Variants in ZNFX1 observed in about 807,000 individuals in gnomAD.
ZNFX1 encodes NFX1-type zinc finger-containing protein 1.
In ZNFX1, 78 loss-of-function variants were observed where a neutral mutation model predicts 179.8. The ratio of observed to expected loss-of-function variants is 0.43; its 90% CI spans 0.36 to 0.52. The LOEUF is 0.52. Ranked by LOEUF, ZNFX1 falls within the 20% of genes least tolerant of loss-of-function variation. ZNFX1 has a pLI of 0.00. For missense variants in ZNFX1, 1,927 were observed against 2,386.6 expected (o/e 0.81, Z 4.01); for synonymous variants, 848 against 868.5 (o/e 0.98, Z 0.42).
chr20:49,251,437 G>A, intron 13 of ZNFX1, 90 bp downstream of exon 13: 1 of 1,232,422 alleles, frequency 8.1e-7, no homozygotes, highest in Non-Finnish European at 1.1e-6. Context: ...CACCGCGCCT[G>A]GCCGCTGAAA....
At chr20:49,264,691 C>A in intron 5 of ZNFX1, 25 bp downstream of exon 5, 2 of 1,612,244 alleles carry the variant, frequency 1.2e-6, no homozygotes, top group East Asian at 4.5e-5. Flanking sequence ...TGAACTACCC[C>A]AGATATTTCA....
chr20:49,273,368 G>T (rs1200313005), intron 2 of ZNFX1, among the ~76,000 whole-genome samples: 1 of 151,662 alleles, frequency 6.6e-6, no homozygotes, highest in African/African-American at 2.4e-5. Context: ...TCCTGACCTC[G>T]TGATCCGCCT....
rs116217055 is a variant in ZNFX1, at chr20:49,246,565, T to C, written c.*702A>G. 3.4e-3 allele frequency: 764 copies of C among 225,154 alleles called. 6 individuals are homozygous for C. Among genetic ancestry groups the C allele is most frequent in the African/African-American group, 0.017 (705 of 42,496 alleles). The allele number at this position is 225,154 out of a possible 1,614,324, so 13.9% of individuals were successfully genotyped here. A position where few individuals can be genotyped will look rare whatever the true frequency, so the allele number is the denominator to read the frequency against. On this transcript the variant is annotated 3_prime_UTR_variant, in exon 14 of 14. Transcript: ENST00000396105. Reference sequence around the variant, plus strand: ...TTTATTATGAGAGTTAGTCTGCAAATTAGGGCCTGGCAATTAGAATCGGTC... The same window carrying C: ...TTTATTATGAGAGTTAGTCTGCAAACTAGGGCCTGGCAATTAGAATCGGTC...
chr20:49,269,550 G>A (rs546281527), intron 3 of ZNFX1, among the ~76,000 whole-genome samples: 2 of 152,270 alleles, frequency 1.3e-5, no homozygotes, highest in Admixed American at 6.5e-5. Flanking sequence ...GCGTGGTGGT[G>A]CATGCCTATA....
Position 49,248,560 on chromosome 20 carries a change from C to A in ZNFX1, c.4464G>T (p.Arg1488=), listed in dbSNP as rs1310429997. The change falls in exon 14 of 14, where the codon CGG becomes CGT. Residue 1488 remains arginine (R), a synonymous_variant. Coordinates refer to ENST00000396105, the MANE Select transcript of ZNFX1 (RefSeq NM_021035.3). The surrounding 1 kb of genome is among the most constrained non-coding windows in gnomAD (Gnocchi z 4.6). The stretch of plus-strand genomic sequence containing the variant: ...TGTGGACACAGCGGTTCTGACAGGT[C>A]CGCTGGCAGGGTGGGCACTCACCAA... The part of the protein sequence containing the change: ...PCIGECPPCQ[R]TCQNRCVHSQ... 1.2e-6 allele frequency: 2 copies of A among 1,614,070 alleles called. No individual in the cohort carries two copies. Among genetic ancestry groups the A allele is most frequent in the Non-Finnish European group, 1.7e-6 (2 of 1,180,044 alleles).
At position 49,248,397 on chromosome 20, in the gene ZNFX1, G is replaced by A. The variant is rs750717580; in HGVS notation, c.4627C>T (p.Leu1543=). Residue 1543 remains leucine, a synonymous_variant, in exon 14 of 14, where the codon CTG becomes TTG. Transcript: ENST00000396105. The surrounding 1 kb of genome is among the most constrained non-coding windows in gnomAD (Gnocchi z 4.6). The part of the protein sequence containing the change: ...RPPCYVPCTK[L]LVCGHPCIGL... The stretch of plus-strand genomic sequence containing the variant: ...ATGCAGGGGTGGCCACAAACTAGCA[G>A]CTTAGTACAAGGCACATAGCATGGG... 9.3e-6 allele frequency: 15 copies of A among 1,610,816 alleles called. No homozygotes were observed. The South Asian group carries it at 1.7e-4, about 18-fold the overall frequency.
intron 6 of ZNFX1, 62 bp from the exon 7 acceptor site, chr20:49,260,639 T>C: frequency 2.4e-6 from 3 of 1,249,962 alleles, no homozygotes; most frequent in Non-Finnish European, 2.2e-6. Context: ...AGGCTGGGTC[T>C]CCTCAAAGAA....
chr20:49,263,651 A>G (rs1981168931), intron 5 of ZNFX1, among the ~76,000 whole-genome samples, 168 bp from the exon 6 acceptor site: 1 of 152,230 alleles, frequency 6.6e-6, no homozygotes, highest in African/African-American at 2.4e-5. Context: ...TGGTCTTGAA[A>G]CCAAAGAACT....
In ZNFX1 at chr20:49,270,080, T is replaced by C; in HGVS notation, c.1732A>G (p.Arg578Gly). 1 of 1,614,242 alleles carries C rather than the reference T, an allele frequency of 6.2e-7. No individual in the cohort carries two copies. Among genetic ancestry groups the C allele is most frequent in the Non-Finnish European group, 8.5e-7 (1 of 1,180,040 alleles). Residue 578 changes from arginine to glycine, a missense_variant, in exon 3 of 14, where the codon AGA becomes GGA. Transcript: ENST00000396105. The surrounding 1 kb of genome is among the most constrained non-coding windows in gnomAD (Gnocchi z 4.6). ...GEFLRNVEGL[R>G]HPRINVLDPG... ...TCTAAGACATTAATTCTGGGATGTCTCAAACCCTCGACATTTCTTAGAAAT... is the reference window on the plus strand; with the variant it reads ...TCTAAGACATTAATTCTGGGATGTCCCAAACCCTCGACATTTCTTAGAAAT...
In ZNFX1 at chr20:49,271,458, T is replaced by C. The variant is rs749954020; in HGVS notation, c.354A>G (p.Pro118=). The part of the protein sequence containing the change: ...GNQDCRNRRP[P]WSNDNFQQWR... Reference sequence around the variant, plus strand: ...ACTGCTGGAAGTTGTCATTGGACCATGGTGGTCTGCGGTTCCTACAGTCCT... The same window carrying C: ...ACTGCTGGAAGTTGTCATTGGACCACGGTGGTCTGCGGTTCCTACAGTCCT... Residue 118 remains proline (P), a synonymous_variant, in exon 3 of 14, where the codon CCA becomes CCG. Transcript: ENST00000396105. The C allele has an allele frequency of 1.9e-6, 3 of 1,614,052 alleles. No homozygotes were observed. The highest frequency in any genetic ancestry group is 2.5e-6 in the Non-Finnish European group (3 of 1,180,026).
chr20:49,257,311 A>G (rs1217150098), intron 8 of ZNFX1, 106 bp downstream of exon 8: 15 of 1,448,020 alleles, frequency 1.0e-5, no homozygotes, highest in Admixed American at 2.0e-5. Context: ...TAATACAGGT[A>G]CTTAGCTAAT....
intron 2 of ZNFX1, among the ~76,000 whole-genome samples, chr20:49,273,084 T>C (rs180845): frequency 0.68 from 103,643 of 151,708 alleles, 36,336 homozygotes; most frequent in Non-Finnish European, 0.77. Context: ...GATACTAAAT[T>C]GATTTATGCA....
Position 49,248,081 on chromosome 20 carries a change from T to A in ZNFX1, c.4943A>T (p.Glu1648Val). Residue 1648 changes from glutamate to valine, a missense_variant, in exon 14 of 14, where the codon GAA becomes GTA. Transcript: ENST00000396105. The surrounding 1 kb of genome is among the most constrained non-coding windows in gnomAD (Gnocchi z 4.6). Reference sequence around the variant, plus strand: ...TTCCCCTGCTGAGCCCTGGATCTTTTCCTTGATGATTTCAATCTCTTCTAG... The same window carrying A: ...TTCCCCTGCTGAGCCCTGGATCTTTACCTTGATGATTTCAATCTCTTCTAG... ...QRLEEIEIIK[E>V]KIQGSAGEIA... 1 of 1,614,220 alleles carries A rather than the reference T, an allele frequency of 6.2e-7. No homozygotes were observed. The highest frequency in any genetic ancestry group is 1.1e-5 in the South Asian group (1 of 91,090).
Position 49,248,629 on chromosome 20 carries a change from G to A in ZNFX1, c.4395C>T (p.Cys1465=). ...TGTGTGAGCAGATAAGCAGGCGCTT[G>A]CAGGGCTGCTGACAGCGTTCATGGA... ...GRFHERCQQP[C]KRLLICSHKC... is the part of the protein sequence containing the mutation. Residue 1465 remains cysteine, a synonymous_variant, in exon 14 of 14, where the codon TGC becomes TGT. Coordinates refer to ENST00000396105, the MANE Select transcript of ZNFX1 (RefSeq NM_021035.3). This position sits in a 1 kb window ranked among gnomAD's most constrained non-coding sequence, Gnocchi z 4.6. 2 of 1,614,032 alleles carry A rather than the reference G, an allele frequency of 1.2e-6. No individual in the cohort carries two copies. Among genetic ancestry groups the A allele is most frequent in the Middle Eastern group, 1.6e-4 (1 of 6,062 alleles).
rs1237266728 is a variant in ZNFX1, at chr20:49,248,371, A to G, written c.4653T>C (p.Ile1551=). 6.2e-7 allele frequency: 1 copy of G among 1,612,474 alleles called. No individual in the cohort carries two copies. The highest frequency in any genetic ancestry group is 8.5e-7 in the Non-Finnish European group (1 of 1,178,870). ...TKLLVCGHPC[I]GLCGEPCPKK... ...TGGGGCATGGCTCCCCACAGAGACC[A>G]ATGCAGGGGTGGCCACAAACTAGCA... The change falls in exon 14 of 14, where the codon ATT becomes ATC. Residue 1551 remains isoleucine (I), a synonymous_variant. Transcript: ENST00000396105. This position sits in a 1 kb window ranked among gnomAD's most constrained non-coding sequence, Gnocchi z 4.6.
rs1980779246 is a variant in ZNFX1, at chr20:49,249,432, AGAG to A, written c.3589_3591del (p.Leu1197del). On this transcript the variant is annotated inframe_deletion, in exon 14 of 14. Coordinates refer to ENST00000396105, the MANE Select transcript of ZNFX1 (RefSeq NM_021035.3). ...CCTTCTTGGTTGCTCCGCACTAGCG[AGAG>A]GAGGATGATGTCATTCTCTTCCCCT... 1 of 1,614,216 alleles carries A rather than the reference AGAG, an allele frequency of 6.2e-7. No individual in the cohort carries two copies. The highest frequency in any genetic ancestry group is 8.5e-7 in the Non-Finnish European group (1 of 1,180,042).
In ZNFX1 at chr20:49,252,799, G is replaced by T. The variant is rs748978746; in HGVS notation, c.3137C>A (p.Ala1046Asp). Residue 1046 changes from alanine to aspartate, a missense_variant, in exon 12 of 14, where the codon GCC (alanine) becomes GAC (aspartate). Transcript: ENST00000396105. ...LRPSANVYDL[A>D]KNFNLEVSLF... ...GGACACCTCAAGGTTGAAGTTCTTGGCCAGATCATACACGTTGGCACTGGG... is the reference window on the plus strand; with the variant it reads ...GGACACCTCAAGGTTGAAGTTCTTGTCCAGATCATACACGTTGGCACTGGG... 4 of 1,614,090 alleles carry T rather than the reference G, an allele frequency of 2.5e-6. No individual in the cohort carries two copies. The highest frequency in any genetic ancestry group is 2.5e-6 in the Non-Finnish European group (3 of 1,179,980).
In ZNFX1 at chr20:49,248,332, G is replaced by A. The variant is rs141468261; in HGVS notation, c.4692C>T (p.Ile1564=). ...TTTGGGTGACCTCATCCATGTGGCA[G>A]ATCCGGCATTTCTTGGGGCATGGCT... ...CGEPCPKKCR[I]CHMDEVTQIF... Residue 1564 remains isoleucine, a synonymous_variant, in exon 14 of 14, where the codon ATC becomes ATT. Transcript: ENST00000396105. This position sits in a 1 kb window ranked among gnomAD's most constrained non-coding sequence, Gnocchi z 4.6. 4 of 1,614,136 alleles carry A rather than the reference G, an allele frequency of 2.5e-6. No homozygotes were observed. In the African/African-American group the frequency reaches 5.3e-5, roughly 22 times the overall value.
intron 3 of ZNFX1, among the ~76,000 whole-genome samples, chr20:49,268,524 A>C (rs1981301461): frequency 6.6e-6 from 1 of 152,206 alleles, no homozygotes; most frequent in Non-Finnish European, 1.5e-5. Flanking sequence ...GACAAGTGGT[A>C]CCTAATTAAA....
Sources: allele counts gnomAD v4.1 joint callset (sites outside exome capture counted in the v4.1 genomes callset), GRCh38; gene constraint gnomAD v4.1.1; non-coding constraint Gnocchi (gnomAD v3.1); transcripts MANE v1.5; gene names NCBI Gene and HGNC (gene_info 2026-07-23, HGNC 2026-07-21).